The following FKBP5 variants were observed in gnomAD, a reference collection of about 807,000 sequenced individuals.
FKBP5 encodes the protein FKBP prolyl isomerase 5, also known as peptidyl-prolyl cis-trans isomerase FKBP5.
Under a neutral mutation model 50.5 loss-of-function variants are expected in FKBP5, and 23 were observed. The ratio of observed to expected loss-of-function variants is 0.46; its 90% confidence interval spans 0.33 to 0.65. The LOEUF (loss-of-function observed/expected upper bound fraction) is 0.65, where lower values mean the gene tolerates loss of function less well. Among genes scored for constraint, FKBP5 ranks in the 30% least tolerant of loss-of-function variants. FKBP5 has a pLI of 0.02. For synonymous variants in FKBP5, 176 were observed against 190.6 expected (o/e 0.92, Z 0.63); for missense variants, 411 against 553.1 (o/e 0.74, Z 2.58).
intron 1 of FKBP5, among the ~76,000 whole-genome samples, chr6:35,649,581 T>G (rs543761668): frequency 2.6e-4 from 40 of 152,142 alleles, no homozygotes; most frequent in Admixed American, 7.9e-4. Flanking sequence ...GGTAGCTTAT[T>G]GTAAACATGA....
intron 5 of FKBP5, among the ~76,000 whole-genome samples, chr6:35,609,748 C>T (rs926342314): frequency 1.3e-4 from 20 of 152,092 alleles, no homozygotes; most frequent in African/African-American, 4.8e-4. Flanking sequence ...CAGGGACTGT[C>T]CATTTTGCTC....
At chr6:35,584,501 C>G (rs942709023) in intron 8 of FKBP5, 24 of 985,362 alleles carry the variant, frequency 2.4e-5, no homozygotes, top group Non-Finnish European at 2.7e-5. Context: ...GTCAGACACC[C>G]TGGAAAGACA....
intron 5 of FKBP5, among the ~76,000 whole-genome samples, chr6:35,605,563 A>T (rs1040189434): frequency 2.6e-5 from 4 of 151,316 alleles, no homozygotes; most frequent in African/African-American, 9.7e-5. Context: ...TGTGTGGCTA[A>T]TTTTTTTTAT....
intron 5 of FKBP5, among the ~76,000 whole-genome samples, chr6:35,612,564 C>T (rs769929838): frequency 6.6e-6 from 1 of 152,208 alleles, no homozygotes; most frequent in Non-Finnish European, 1.5e-5. Flanking sequence ...CCATGAAGAA[C>T]TGCCTGAGAC....
chr6:35,722,170 T>C (rs1383684083), intron 1 of FKBP5, among the ~76,000 whole-genome samples: 3 of 150,578 alleles, frequency 2.0e-5, no homozygotes, highest in Non-Finnish European at 4.4e-5. Context: ...CTTACTTATT[T>C]GTTCTGTTTT....
At chr6:35,623,618 G>A (rs564030601) in intron 3 of FKBP5, among the ~76,000 whole-genome samples, 1 of 151,736 alleles carries the variant, frequency 6.6e-6, no homozygotes, top group Non-Finnish European at 1.5e-5. Context: ...CACACAGACT[G>A]GAGTGCAATG....
chr6:35,592,519 A>C (rs1762853081), intron 6 of FKBP5, among the ~76,000 whole-genome samples: 1 of 152,224 alleles, frequency 6.6e-6, no homozygotes. Context: ...TTCTACTTTG[A>C]GCTCTTAGAT....
chr6:35,656,321 A>C (rs1305831700), intron 1 of FKBP5, among the ~76,000 whole-genome samples: 1 of 152,182 alleles, frequency 6.6e-6, no homozygotes, highest in African/African-American at 2.4e-5. Context: ...CAGTTTTTCC[A>C]TCTATACTTT....
intron 1 of FKBP5, among the ~76,000 whole-genome samples, chr6:35,686,749 A>AACCC (rs753531726): frequency 6.6e-5 from 10 of 152,222 alleles, no homozygotes; most frequent in Non-Finnish European, 1.0e-4. Flanking sequence ...AACTAAACTG[A>AACCC]ACCCAAAATA....
chr6:35,673,320 C>A (rs1765439581), intron 1 of FKBP5, among the ~76,000 whole-genome samples: 1 of 152,180 alleles, frequency 6.6e-6, no homozygotes, highest in Admixed American at 6.5e-5. Context: ...GAGGCCAGGG[C>A]AGGCAGATCA....
chr6:35,695,581 G>T (rs917802280), intron 2 of FKBP5, among the ~76,000 whole-genome samples: 3 of 152,176 alleles, frequency 2.0e-5, no homozygotes, highest in Non-Finnish European at 4.4e-5. Flanking sequence ...TCTCTTCACA[G>T]ACACACAACC....
intron 8 of FKBP5, chr6:35,585,586 C>T: frequency 1.0e-6 from 1 of 984,940 alleles, no homozygotes; most frequent in Non-Finnish European, 1.2e-6. Context: ...CTATCATACC[C>T]CCATGCTTTC....
intron 2 of FKBP5, among the ~76,000 whole-genome samples, chr6:35,702,034 G>T (rs1211864932): frequency 2.0e-5 from 3 of 152,072 alleles, no homozygotes; most frequent in Non-Finnish European, 4.4e-5. Context: ...TTTTAGTAGA[G>T]ATGGGGTTTC....
intron 2 of FKBP5, among the ~76,000 whole-genome samples, chr6:35,696,006 A>T (rs548993725): frequency 6.6e-6 from 1 of 152,106 alleles, no homozygotes. Flanking sequence ...TTAGCTAGGC[A>T]TGGTGGCAGG....
intron 1 of FKBP5, among the ~76,000 whole-genome samples, chr6:35,646,614 C>T (rs1764637974): frequency 6.6e-6 from 1 of 152,180 alleles, no homozygotes; most frequent in Admixed American, 6.5e-5. Flanking sequence ...TAATGACACA[C>T]TGAGACAGTT....
At chr6:35,673,337 G>T (rs1165237853) in intron 1 of FKBP5, among the ~76,000 whole-genome samples, 3 of 152,126 alleles carry the variant, frequency 2.0e-5, no homozygotes, top group Admixed American at 6.5e-5. Context: ...ATCACTTGAG[G>T]CCAGGAGTTC....
intron 1 of FKBP5, among the ~76,000 whole-genome samples, chr6:35,646,549 C>G (rs1347879719): frequency 4.6e-5 from 7 of 151,960 alleles, no homozygotes; most frequent in Non-Finnish European, 1.0e-4. Context: ...AAACTTTTTC[C>G]TTGATTGAAT....
At chr6:35,663,990 C>T (rs918498213) in intron 1 of FKBP5, among the ~76,000 whole-genome samples, 18 of 152,168 alleles carry the variant, frequency 1.2e-4, no homozygotes, top group African/African-American at 4.1e-4. Context: ...GGATATACTT[C>T]TAGTGAACAG....
Position 35,629,262 on chromosome 6 carries a change from C to T in FKBP5, c.250+7752G>A, listed in dbSNP as rs372503524. ...CTGGGACTATAGGCGTGCACCACCA[C>T]GCCTGGCTAATTTTTGTATTTTTTG... On this transcript the variant is annotated intron_variant, in intron 3 of 10. Coordinates refer to ENST00000357266, the MANE Select transcript of FKBP5 (RefSeq NM_004117.4). Among the ~76,000 whole-genome samples the T allele has an allele frequency of 9.9e-5, 15 of 152,046 alleles. No individual in the cohort carries two copies. In the South Asian group the frequency reaches 1.5e-3, roughly 15 times the overall value.
Sources: gnomAD v4.1 joint callset for allele counts (sites outside exome capture counted in the v4.1 genomes callset) on GRCh38, gnomAD v4.1.1 for gene constraint, MANE v1.5 for transcripts, NCBI Gene and HGNC (gene_info 2026-07-23, HGNC 2026-07-21) for gene names.